Variants in SND1 observed in about 807,000 individuals in gnomAD.
SND1 encodes staphylococcal nuclease and tudor domain containing 1.
A neutral mutation model predicts 121.7 loss-of-function variants in SND1; 38 were observed. The observed-to-expected ratio is 0.31, with a 90% CI of 0.24 to 0.41. The LOEUF (loss-of-function observed/expected upper bound fraction) is 0.41. Ranked by LOEUF, SND1 falls within the 10% of genes least tolerant of loss-of-function variation. The pLI is 1.00. For missense variants in SND1, 868 were observed against 1,184.6 expected, an observed-to-expected ratio of 0.73 and a Z score of 3.92; for synonymous variants, 401 against 447.4, an observed-to-expected ratio of 0.90 and a Z score of 1.31.
intron 3 of SND1, among the ~76,000 whole-genome samples, chr7:127,698,171 A>T (rs1796040620): frequency 6.6e-6 from 1 of 152,156 alleles, no homozygotes; most frequent in Non-Finnish European, 1.5e-5. Flanking sequence ...GTGTTCTCTC[A>T]GTATCCCTAT....
intron 16 of SND1, among the ~76,000 whole-genome samples, chr7:128,053,003 G>C (rs963855982): frequency 6.6e-6 from 1 of 152,180 alleles, no homozygotes; most frequent in Non-Finnish European, 1.5e-5. Flanking sequence ...TAAATCAAAT[G>C]CATTGAATAA....
intron 14 of SND1, among the ~76,000 whole-genome samples, chr7:127,921,784 A>G (rs1280957324): frequency 2.0e-5 from 3 of 152,128 alleles, no homozygotes; most frequent in Non-Finnish European, 4.4e-5. Context: ...GTTTAACTAT[A>G]GTTTAACCTT....
In SND1 at chr7:127,658,964, C is replaced by T. The variant is rs534535017; in HGVS notation, c.78+6513C>T. The stretch of plus-strand genomic sequence containing the variant: ...CTGACAGGTGTGGTTCTAACAGGGG[C>T]ATAGTAGATATCCTTTAGAGTCTGA... On this transcript the variant is annotated intron_variant, in intron 1 of 23. Transcript: ENST00000354725. 4.6e-5 allele frequency among the ~76,000 whole-genome samples: 7 copies of T among 152,290 alleles called. No individual in the cohort carries two copies. In the East Asian group the frequency reaches 1.2e-3, roughly 25 times the overall value.
chr7:128,091,848 C>T lies in SND1; in HGVS notation c.2634C>T (p.Tyr878=), dbSNP rs953415215. Residue 878 remains tyrosine (Y), a synonymous_variant, in exon 23 of 24, where the codon TAC becomes TAT. Coordinates refer to ENST00000354725, the MANE Select transcript of SND1 (RefSeq NM_014390.4). ...EKQFQKVITE[Y]LNAQESAKSA... Reference sequence around the variant, plus strand: ...TCTCGTCCCTCCAGATCACAGAATACCTGAATGCCCAAGAGTCAGCCAAGA... The same window carrying T: ...TCTCGTCCCTCCAGATCACAGAATATCTGAATGCCCAAGAGTCAGCCAAGA... 1.2e-6 allele frequency: 2 copies of T among 1,614,056 alleles called. No individual in the cohort carries two copies. The highest frequency in any genetic ancestry group is 2.7e-5 in the African/African-American group (2 of 74,914).
chr7:127,790,850 C>G (rs1471650805), intron 10 of SND1, among the ~76,000 whole-genome samples: 2 of 152,198 alleles, frequency 1.3e-5, no homozygotes, highest in Admixed American at 1.3e-4. Flanking sequence ...ATATTTCACA[C>G]TGCTGTGGCA....
chr7:127,990,095 GATA>G (rs1284645896), intron 15 of SND1, among the ~76,000 whole-genome samples: 1 of 152,164 alleles, frequency 6.6e-6, no homozygotes, highest in African/African-American at 2.4e-5. Flanking sequence ...TGCTAAGAGT[GATA>G]ATGATGATAC....
At chr7:127,739,279 A>G (rs1162720762) in intron 10 of SND1, among the ~76,000 whole-genome samples, 1 of 152,246 alleles carries the variant, frequency 6.6e-6, no homozygotes, top group African/African-American at 2.4e-5. Flanking sequence ...TTTGGAAAGT[A>G]TAATATTTTT....
intron 16 of SND1, among the ~76,000 whole-genome samples, chr7:128,031,271 A>G (rs1792591950): frequency 6.7e-6 from 1 of 150,012 alleles, no homozygotes; most frequent in African/African-American, 2.4e-5. Context: ...GCCGCGGGGG[A>G]AGGCGCTTCA....
chr7:128,082,088 T>G (rs974181769), intron 18 of SND1: 8 of 401,068 alleles, frequency 2.0e-5, no homozygotes, highest in Admixed American at 5.5e-5. Flanking sequence ...TGGTGTGCAC[T>G]GTGGCCAGGG....
At chr7:127,707,481 C>T in intron 8 of SND1, 76 bp from the exon 9 acceptor site, 1 of 1,155,668 alleles carries the variant, frequency 8.7e-7, no homozygotes, top group East Asian at 2.4e-5. Flanking sequence ...GGATGCTGCA[C>T]CAACTGTGCT....
chr7:127,695,163 C>G (rs749079991), intron 3 of SND1, among the ~76,000 whole-genome samples: 1 of 152,176 alleles, frequency 6.6e-6, no homozygotes, highest in African/African-American at 2.4e-5. Flanking sequence ...ACCCCTTTTC[C>G]TGCTTTGGTT....
At chr7:127,928,370 G>A (rs1488024131) in intron 14 of SND1, among the ~76,000 whole-genome samples, 1 of 152,136 alleles carries the variant, frequency 6.6e-6, no homozygotes, top group Non-Finnish European at 1.5e-5. Context: ...TGCTGTACTA[G>A]TGCCTGGAGA....
At chr7:127,979,651 A>G (rs1802211973) in intron 15 of SND1, among the ~76,000 whole-genome samples, 2 of 152,226 alleles carry the variant, frequency 1.3e-5, no homozygotes, top group African/African-American at 4.8e-5. Flanking sequence ...CGAGGAAGTT[A>G]AACTTTAAAA....
intron 15 of SND1, among the ~76,000 whole-genome samples, chr7:127,977,004 C>T (rs938321906): frequency 6.6e-5 from 10 of 152,134 alleles, no homozygotes; most frequent in Non-Finnish European, 1.3e-4. Flanking sequence ...CAGCATGCTT[C>T]CTGGAGGAAA....
intron 10 of SND1, among the ~76,000 whole-genome samples, chr7:127,783,266 G>C (rs1330463568): frequency 1.3e-5 from 2 of 152,140 alleles, no homozygotes; most frequent in Non-Finnish European, 2.9e-5. Context: ...CTCTTCAGTG[G>C]CTCTTATTCT....
chr7:127,950,682 G>T (rs936882778), intron 15 of SND1, among the ~76,000 whole-genome samples: 1 of 152,144 alleles, frequency 6.6e-6, no homozygotes, highest in Non-Finnish European at 1.5e-5. Flanking sequence ...GGTAAGAGGT[G>T]CAGAGCTCTT....
chr7:127,752,206 A>G (rs536205250), intron 10 of SND1, among the ~76,000 whole-genome samples: 4 of 152,034 alleles, frequency 2.6e-5, no homozygotes, highest in Non-Finnish European at 5.9e-5. Flanking sequence ...CTCCATATAA[A>G]TGATGAGTGA....
intron 16 of SND1, among the ~76,000 whole-genome samples, chr7:128,041,285 T>C (rs1482120431): frequency 6.6e-6 from 1 of 151,892 alleles, no homozygotes; most frequent in East Asian, 1.9e-4. Flanking sequence ...ATAATAATAA[T>C]AACAATTTAA....
At chr7:127,674,265 C>T (rs1795578922) in intron 1 of SND1, among the ~76,000 whole-genome samples, 1 of 152,166 alleles carries the variant, frequency 6.6e-6, no homozygotes, top group South Asian at 2.1e-4. Context: ...AGTTTTTGGG[C>T]CCTCTTCTTT....
Sources: gnomAD v4.1 joint callset for allele counts (sites outside exome capture counted in the v4.1 genomes callset) on GRCh38, gnomAD v4.1.1 for gene constraint, MANE v1.5 for transcripts, NCBI Gene and HGNC (gene_info 2026-07-23, HGNC 2026-07-21) for gene names.